The following GPC5 variants were observed in gnomAD, a reference collection of about 807,000 sequenced individuals.
GPC5 encodes glypican 5, also known as glypican-5.
In GPC5, 47 loss-of-function variants were observed where a neutral mutation model predicts 53.9. The ratio of observed to expected loss-of-function variants is 0.87; its 90% CI spans 0.69 to 1.11. GPC5 has a LOEUF of 1.11. Ranked by LOEUF, GPC5 falls within the 50% of genes most tolerant of loss-of-function variation. GPC5 has a pLI of 0.00. For missense variants in GPC5, 748 were observed against 713.1 expected (o/e 1.05, Z -0.56); for synonymous variants, 286 against 263.3 (o/e 1.09, Z -0.84).
intron 5 of GPC5, among the ~76,000 whole-genome samples, chr13:91,795,060 T>C (rs1167967181): frequency 6.6e-6 from 1 of 152,226 alleles, no homozygotes; most frequent in East Asian, 1.9e-4. Context: ...TCTTTATGGA[T>C]GAACCACAGA....
At chr13:92,451,130 A>G (rs1878043367) in intron 7 of GPC5, among the ~76,000 whole-genome samples, 2 of 152,214 alleles carry the variant, frequency 1.3e-5, no homozygotes, top group African/African-American at 4.8e-5. Context: ...ATTAATATCC[A>G]TCTCACTGAC....
chr13:92,314,840 A>C (rs1018999070), intron 7 of GPC5, among the ~76,000 whole-genome samples: 1 of 152,032 alleles, frequency 6.6e-6, no homozygotes, highest in Non-Finnish European at 1.5e-5. Context: ...TGGCATGTTT[A>C]TGGCTCACTG....
At chr13:92,634,932 G>A (rs144892843) in intron 7 of GPC5, among the ~76,000 whole-genome samples, 2,704 of 151,742 alleles carry the variant, frequency 0.018, 84 homozygotes, top group African/African-American at 0.061. Flanking sequence ...GTCAGAAAAA[G>A]ACATTTGCTG....
intron 6 of GPC5, among the ~76,000 whole-genome samples, chr13:92,024,133 T>C (rs1046693517): frequency 6.6e-6 from 1 of 152,116 alleles, no homozygotes; most frequent in African/African-American, 2.4e-5. Flanking sequence ...TATTAATGAA[T>C]CAATATTTAA....
intron 5 of GPC5, among the ~76,000 whole-genome samples, chr13:91,792,985 C>A (rs1227948150): frequency 6.6e-6 from 1 of 152,106 alleles, no homozygotes; most frequent in Non-Finnish European, 1.5e-5. Flanking sequence ...CGAGGCCATT[C>A]ATGTTAAACC....
chr13:91,615,941 C>T (rs1202843760), intron 2 of GPC5, among the ~76,000 whole-genome samples: 3 of 152,006 alleles, frequency 2.0e-5, no homozygotes, highest in African/African-American at 7.2e-5. Context: ...GACAGAATGG[C>T]TAGTCTGAGA....
intron 7 of GPC5, among the ~76,000 whole-genome samples, chr13:92,301,372 C>A (rs2043074248): frequency 6.6e-6 from 1 of 152,074 alleles, no homozygotes; most frequent in African/African-American, 2.4e-5. Flanking sequence ...TCTCATTGAA[C>A]TTGTAGATGA....
intron 7 of GPC5, among the ~76,000 whole-genome samples, chr13:92,842,419 A>G (rs962062882): frequency 3.3e-5 from 5 of 152,084 alleles, no homozygotes; most frequent in Non-Finnish European, 7.4e-5. Context: ...TGGCTGGGTA[A>G]CCCACAGCCT....
intron 7 of GPC5, among the ~76,000 whole-genome samples, chr13:92,294,235 C>A (rs1297140316): frequency 6.6e-6 from 1 of 152,110 alleles, no homozygotes; most frequent in Non-Finnish European, 1.5e-5. Flanking sequence ...GTCCCTCTTT[C>A]TTTATCTTGT....
chr13:91,414,813 G>A (rs183968631), intron 1 of GPC5, among the ~76,000 whole-genome samples: 132 of 152,276 alleles, frequency 8.7e-4, no homozygotes, highest in African/African-American at 2.6e-3. Flanking sequence ...GCCTTATAAA[G>A]TATGGCTATT....
chr13:92,451,834 A>C (rs118189191), intron 7 of GPC5, among the ~76,000 whole-genome samples: 3,607 of 152,298 alleles, frequency 0.024, 67 homozygotes, highest in Non-Finnish European at 0.038. Flanking sequence ...TACCTGTATG[A>C]GCTTCAAATG....
intron 7 of GPC5, among the ~76,000 whole-genome samples, chr13:92,189,585 A>G (rs563221601): frequency 5.9e-5 from 9 of 152,006 alleles, no homozygotes; most frequent in African/African-American, 2.2e-4. Flanking sequence ...CTTTCCATAC[A>G]CGTGCACACA....
chr13:92,324,821 A>G (rs1472135439), intron 7 of GPC5, among the ~76,000 whole-genome samples: 1 of 151,870 alleles, frequency 6.6e-6, no homozygotes, highest in Non-Finnish European at 1.5e-5. Context: ...GCTATCATAG[A>G]TTTCTACCTC....
chr13:92,630,438 T>C (rs1023159602), intron 7 of GPC5, among the ~76,000 whole-genome samples: 4 of 152,170 alleles, frequency 2.6e-5, no homozygotes, highest in African/African-American at 9.6e-5. Flanking sequence ...TCATTTACTT[T>C]TCAGCTGAAT....
intron 5 of GPC5, among the ~76,000 whole-genome samples, chr13:91,887,519 G>A (rs1361043679): frequency 5.9e-5 from 9 of 152,176 alleles, no homozygotes; most frequent in Admixed American, 4.6e-4. Context: ...TCCCCAGAAA[G>A]TGGATTTTCT....
At chr13:92,317,658 AATTTTTTTT>A (rs2043188389) in intron 7 of GPC5, among the ~76,000 whole-genome samples, 1 of 106,944 alleles carries the variant, frequency 9.4e-6, no homozygotes, top group South Asian at 2.8e-4. Flanking sequence ...CATGTCTGCT[AATTTTTTTT>A]ATTTTTTTAT....
At chr13:92,808,571 C>T (rs993826218) in intron 7 of GPC5, among the ~76,000 whole-genome samples, 1 of 151,958 alleles carries the variant, frequency 6.6e-6, no homozygotes. Flanking sequence ...GTATCTATAA[C>T]ACTCAAATTA....
intron 7 of GPC5, among the ~76,000 whole-genome samples, chr13:92,472,928 T>C (rs745542223): frequency 1.3e-5 from 2 of 152,122 alleles, no homozygotes; most frequent in Admixed American, 1.3e-4. Context: ...TTTAATTGAA[T>C]AGTACCTTAT....
At chr13:91,908,375 A>C (rs1469472099) in intron 6 of GPC5, among the ~76,000 whole-genome samples, 1 of 152,150 alleles carries the variant, frequency 6.6e-6, no homozygotes, top group Non-Finnish European at 1.5e-5. Flanking sequence ...TGACCATTAA[A>C]GAAAACACAT....
Sources: allele counts gnomAD v4.1 joint callset (sites outside exome capture counted in the v4.1 genomes callset), GRCh38; gene constraint gnomAD v4.1.1; transcripts MANE v1.5; gene names NCBI Gene and HGNC (gene_info 2026-07-23, HGNC 2026-07-21).